The following ANKRD36B variants were observed in gnomAD, a reference collection of about 807,000 sequenced individuals.
The protein encoded by ANKRD36B is ankyrin repeat domain 36B.
In ANKRD36B, 37 loss-of-function variants were observed where a neutral mutation model predicts 135.7. That is an observed-to-expected ratio of 0.27 (90% CI 0.21 to 0.36). The LOEUF (loss-of-function observed/expected upper bound fraction) is 0.36. Among genes scored for constraint, ANKRD36B ranks in the 10% least tolerant of loss-of-function variants. The probability of loss-of-function intolerance (pLI) is 1.00; values close to 1 mark genes in which losing one functional copy is unlikely to be tolerated. For missense variants in ANKRD36B, 549 were observed against 1,037.1 expected (o/e 0.53, Z 6.46); for synonymous variants, 179 against 348.1 (o/e 0.51, Z 5.41).
At position 97,536,478 on chromosome 2, in the gene ANKRD36B, C is replaced by T. The variant is rs2922568; in HGVS notation, c.2108G>A (p.Arg703His). Residue 703 changes from arginine to histidine, a missense_variant, in exon 33 of 44, where the codon CGC (arginine) becomes CAC (histidine). Transcript: ENST00000359901. ...TGTAAGAGTAATTACCTTCAAGGTG[C>T]GCAGATTCTCAGGATACTCTAACAA... Reference protein sequence around the residue: ...KSGTEYPENLRTLKATIENKD... With the variant: ...KSGTEYPENLHTLKATIENKD... 7.0e-5 allele frequency: 63 copies of T among 905,406 alleles called. 18 individuals are homozygous for T. In the Middle Eastern group the frequency reaches 1.1e-3, roughly 16 times the overall value. The allele number at this position is 905,406 out of a possible 1,614,324, so 56.1% of individuals were successfully genotyped here.
intron 14 of ANKRD36B, among the ~76,000 whole-genome samples, chr2:97,554,834 TC>T (rs2080362182): frequency 6.6e-6 from 1 of 151,922 alleles, no homozygotes; most frequent in South Asian, 2.1e-4. Flanking sequence ...CTCCAATGTT[TC>T]TTCTTCCCAA....
chr2:97,536,421 T>C lies in ANKRD36B; in HGVS notation c.2118+47A>G. 2 of 879,940 alleles carry C rather than the reference T, an allele frequency of 2.3e-6. 1 individual carries two copies. The highest frequency in any genetic ancestry group is 3.5e-6 in the Non-Finnish European group (2 of 578,310). The allele number at this position is 879,940 out of a possible 1,614,324, so 54.5% of individuals were successfully genotyped here. A position where few individuals can be genotyped will look rare whatever the true frequency, so the allele number is the denominator to read the frequency against. On this transcript the variant is annotated intron_variant, in intron 33 of 43. Coordinates refer to ENST00000359901, the MANE Select transcript of ANKRD36B (RefSeq NM_001393939.1). Reference sequence around the variant, plus strand: ...GATTAGCACATGATGTATATTGGTATAGGTTATGCAGTTAATAATTAAAAA... The same window carrying C: ...GATTAGCACATGATGTATATTGGTACAGGTTATGCAGTTAATAATTAAAAA...
intron 20 of ANKRD36B, among the ~76,000 whole-genome samples, chr2:97,547,951 T>C (rs546607365): frequency 1.9e-4 from 29 of 151,914 alleles, no homozygotes; most frequent in African/African-American, 6.7e-4. Flanking sequence ...AAACAGGGTA[T>C]GATTTGTTAT....
chr2:97,552,915 A>C (rs2080191042), intron 16 of ANKRD36B, among the ~76,000 whole-genome samples: 1 of 151,884 alleles, frequency 6.6e-6, no homozygotes, highest in Non-Finnish European at 1.5e-5. Context: ...TTATGTCTTG[A>C]ACCTCTCTCC....
At chr2:97,582,668 A>T (rs2082703792) in intron 3 of ANKRD36B, among the ~76,000 whole-genome samples, 1 of 152,202 alleles carries the variant, frequency 6.6e-6, no homozygotes, top group South Asian at 2.1e-4. Context: ...CATTTGGACT[A>T]TATACCTTGT....
At position 97,589,816 on chromosome 2, in the gene ANKRD36B, G is replaced by A. The variant is rs879108528; in HGVS notation, c.-131C>T. On this transcript the variant is annotated 5_prime_UTR_variant, in exon 1 of 44. Transcript: ENST00000359901. The stretch of plus-strand genomic sequence containing the variant: ...AGCAACAACAGGCAAAGCAGTCTGT[G>A]CACGGACCTCCGCGCAGACTCTCAG... 2.9e-6 allele frequency: 4 copies of A among 1,397,208 alleles called. No homozygotes were observed. The highest frequency in any genetic ancestry group is 2.4e-5 in the East Asian group (1 of 41,292). The allele number at this position is 1,397,208 out of a possible 1,614,324, so 86.6% of individuals were successfully genotyped here.
intron 35 of ANKRD36B, among the ~76,000 whole-genome samples, chr2:97,526,784 A>G (rs1391585641): frequency 2.1e-5 from 2 of 97,380 alleles, no homozygotes; most frequent in African/African-American, 6.2e-5. Flanking sequence ...CGATGCGATC[A>G]ACTGGAAGAA....
chr2:97,552,198 T>C (rs1387814246), intron 16 of ANKRD36B, among the ~76,000 whole-genome samples: 1 of 151,988 alleles, frequency 6.6e-6, no homozygotes, highest in Non-Finnish European at 1.5e-5. Flanking sequence ...AATTTTGACA[T>C]ACTTCTACAA....
In ANKRD36B at chr2:97,557,144, A is replaced by G; in HGVS notation, c.968-12T>C. The G allele has an allele frequency of 6.6e-7, 1 of 1,520,828 alleles. No individual in the cohort carries two copies. Among genetic ancestry groups the G allele is most frequent in the Non-Finnish European group, 8.8e-7 (1 of 1,130,944 alleles). 94.2% of individuals were successfully genotyped at this position (1,520,828 alleles called of 1,614,324 possible). On this transcript the variant is annotated splice_polypyrimidine_tract_variant and intron_variant, in intron 10 of 43. Transcript: ENST00000359901. The stretch of plus-strand genomic sequence containing the variant: ...TTTCTGAGGAGACACTGAAAAGTAA[A>G]AGAAATATATAATTCATCATATGTA...
chr2:97,528,633 T>A (rs2078367479), intron 35 of ANKRD36B, among the ~76,000 whole-genome samples: 1 of 94,138 alleles, frequency 1.1e-5, no homozygotes, highest in African/African-American at 3.2e-5. Context: ...TTTGAAAGGA[T>A]CAACAAAATT....
At position 97,545,445 on chromosome 2, in the gene ANKRD36B, T is replaced by C. The variant is rs1449102355; in HGVS notation, c.1681+221A>G. On this transcript the variant is annotated intron_variant, in intron 24 of 43. Coordinates refer to ENST00000359901, the MANE Select transcript of ANKRD36B (RefSeq NM_001393939.1). ...TGTTGAATTGCTGTCAGATGGTTCT[T>C]TTTCCCAATTTCAAAGTACAGACAT... 1.3e-4 allele frequency among the ~76,000 whole-genome samples: 12 copies of C among 95,666 alleles called. 4 individuals carry two copies. The highest frequency in any genetic ancestry group is 2.5e-4 in the Non-Finnish European group (9 of 35,852). 62.8% of individuals were successfully genotyped at this position (95,666 alleles called of 152,430 possible).
At chr2:97,586,174 A>T (rs2082974411) in intron 1 of ANKRD36B, among the ~76,000 whole-genome samples, 1 of 152,198 alleles carries the variant, frequency 6.6e-6, no homozygotes, top group Non-Finnish European at 1.5e-5. Flanking sequence ...ATAAAAAAAC[A>T]AATTTTTAAA....
chr2:97,556,540 C>T (rs1382011948), intron 12 of ANKRD36B, among the ~76,000 whole-genome samples: 9 of 151,820 alleles, frequency 5.9e-5, no homozygotes, highest in Non-Finnish European at 1.3e-4. Context: ...CCAGTGTCTA[C>T]GGGTTATTAT....
At chr2:97,545,317 G>A (rs2079359194) in intron 24 of ANKRD36B, among the ~76,000 whole-genome samples, 1 of 94,996 alleles carries the variant, frequency 1.1e-5, no homozygotes, top group Non-Finnish European at 2.8e-5. Context: ...AATACAATCT[G>A]ACACCTCTAA....
At position 97,525,953 on chromosome 2, in the gene ANKRD36B, G is replaced by A. The variant is rs1235116244; in HGVS notation, c.2266-2486C>T. 3.3e-4 allele frequency among the ~76,000 whole-genome samples: 32 copies of A among 98,352 alleles called. 15 individuals carry two copies. The highest frequency in any genetic ancestry group is 6.6e-4 in the Non-Finnish European group (24 of 36,640). 64.5% of individuals were successfully genotyped at this position (98,352 alleles called of 152,430 possible). A position where few individuals can be genotyped will look rare whatever the true frequency, so the allele number is the denominator to read the frequency against. ...AGCTCAAGGAGGCCTTCCTGCCTCT[G>A]TAGGCTCCACCTCTGGGGGCAGGGC... is the stretch of plus-strand genomic sequence containing the variant. On this transcript the variant is annotated intron_variant, in intron 35 of 43. Transcript: ENST00000359901.
At position 97,524,751 on chromosome 2, in the gene ANKRD36B, G is replaced by A. The variant is rs1342256428; in HGVS notation, c.2266-1284C>T. 18 of 97,056 alleles carry A rather than the reference G, an allele frequency of 1.9e-4. 4 individuals carry two copies. The highest frequency in any genetic ancestry group is 5.2e-4 in the African/African-American group (17 of 32,416). 6.0% of individuals were successfully genotyped at this position (97,056 alleles called of 1,614,324 possible). A position where few individuals can be genotyped will look rare whatever the true frequency, so the allele number is the denominator to read the frequency against. ...TTTTGTAATTTTCACAAATTTCACT[G>A]AAACTCTACTTTAACTTATTTGTGA... On this transcript the variant is annotated intron_variant, in intron 35 of 43. Transcript: ENST00000359901.
At chr2:97,570,236 G>C (rs57591191) in intron 6 of ANKRD36B, among the ~76,000 whole-genome samples, 5 of 151,838 alleles carry the variant, frequency 3.3e-5, no homozygotes, top group East Asian at 1.9e-4. Flanking sequence ...ACCATGCTAT[G>C]TTATATTACC....
chr2:97,547,278 A>C, intron 22 of ANKRD36B: 1 of 387,026 alleles, frequency 2.6e-6, no homozygotes, highest in South Asian at 3.0e-5. Context: ...GTTGTTCCCC[A>C]GAGCCCCTTA....
chr2:97,546,186 A>T (rs931037263), intron 22 of ANKRD36B, among the ~76,000 whole-genome samples: 3 of 151,804 alleles, frequency 2.0e-5, no homozygotes, highest in South Asian at 2.1e-4. Flanking sequence ...CAACTCATAC[A>T]CGTGAGAATC....
Sources: gnomAD v4.1 joint callset for allele counts (sites outside exome capture counted in the v4.1 genomes callset) on GRCh38, gnomAD v4.1.1 for gene constraint, MANE v1.5 for transcripts, NCBI Gene and HGNC (gene_info 2026-07-23, HGNC 2026-07-21) for gene names.